Variants in ST6GAL2 observed in about 807,000 individuals in gnomAD.
ST6GAL2 encodes ST6 beta-galactoside alpha-2,6-sialyltransferase 2, also known as beta-galactoside alpha-2,6-sialyltransferase 2.
ST6GAL2 carries 24 observed loss-of-function variants against 37.5 expected under a neutral mutation model. The ratio of observed to expected loss-of-function variants is 0.64; its 90% CI spans 0.46 to 0.90. ST6GAL2 has a LOEUF of 0.90. ST6GAL2 is among the 40% of genes least tolerant of loss of function. The pLI, the probability that ST6GAL2 is intolerant of heterozygous loss-of-function variation, is 0.00. For missense variants in ST6GAL2, 715 were observed against 712.7 expected, an observed-to-expected ratio of 1.00 and a Z score of -0.04; for synonymous variants, 306 against 295.1, an observed-to-expected ratio of 1.04 and a Z score of -0.38.
At chr2:106,882,451 C>T (rs562554070) in intron 1 of ST6GAL2, among the ~76,000 whole-genome samples, 1 of 152,188 alleles carries the variant, frequency 6.6e-6, no homozygotes, top group East Asian at 1.9e-4. Context: ...CTTTGATAAT[C>T]TGTGCAAAGC....
At chr2:106,836,162 T>C (rs1381333202) in intron 2 of ST6GAL2, among the ~76,000 whole-genome samples, 1 of 152,202 alleles carries the variant, frequency 6.6e-6, no homozygotes, top group Non-Finnish European at 1.5e-5. Flanking sequence ...ACCAAAAGAA[T>C]ACTGAGAAGA....
At chr2:106,840,015 G>C (rs1027006808) in intron 2 of ST6GAL2, among the ~76,000 whole-genome samples, 2 of 152,166 alleles carry the variant, frequency 1.3e-5, no homozygotes, top group African/African-American at 4.8e-5. Flanking sequence ...GGGCTGCACT[G>C]CCAGTGGAGC....
intron 5 of ST6GAL2, among the ~76,000 whole-genome samples, chr2:106,825,735 T>C (rs1281930946): frequency 6.6e-6 from 1 of 152,254 alleles, no homozygotes; most frequent in Non-Finnish European, 1.5e-5. Flanking sequence ...GTTGGACTTA[T>C]CATACTTTAT....
At position 106,821,664 on chromosome 2, in the gene ST6GAL2, T is replaced by G. The variant is rs555097219; in HGVS notation, c.1318+8402A>C. On this transcript the variant is annotated intron_variant, in intron 5 of 5. Transcript: ENST00000409382. ...GGAGGAGGGAATACTTCCAACCTCATTCTACAAGCCGTCCTGATACCAAAA... is the reference window on the plus strand; with the variant it reads ...GGAGGAGGGAATACTTCCAACCTCAGTCTACAAGCCGTCCTGATACCAAAA... Among the ~76,000 whole-genome samples, 280 of 151,980 alleles carry G rather than the reference T, an allele frequency of 1.8e-3. 1 individual carries two copies. Among genetic ancestry groups the G allele is most frequent in the Non-Finnish European group, 3.2e-3 (218 of 67,810 alleles).
chr2:106,880,853 T>G (rs1478013432), intron 1 of ST6GAL2, among the ~76,000 whole-genome samples: 1 of 152,228 alleles, frequency 6.6e-6, no homozygotes, highest in Non-Finnish European at 1.5e-5. Flanking sequence ...TGATTGCTGA[T>G]GTAACAACAC....
chr2:106,807,622 C>T (rs1675460467), intron 5 of ST6GAL2, among the ~76,000 whole-genome samples: 1 of 134,828 alleles, frequency 7.4e-6, no homozygotes, highest in African/African-American at 2.7e-5. Context: ...TCACTGAGTA[C>T]ATTTTATTCT....
intron 1 of ST6GAL2, among the ~76,000 whole-genome samples, chr2:106,845,057 A>G (rs1360951161): frequency 6.6e-6 from 1 of 152,214 alleles, no homozygotes; most frequent in Non-Finnish European, 1.5e-5. Flanking sequence ...TGGAACTTCA[A>G]GCTGAGCACT....
At chr2:106,874,395 G>A (rs993609641) in intron 1 of ST6GAL2, among the ~76,000 whole-genome samples, 4 of 152,152 alleles carry the variant, frequency 2.6e-5, no homozygotes, top group Non-Finnish European at 5.9e-5. Context: ...GTGGCTAAGA[G>A]GGGAGTAGGA....
intron 5 of ST6GAL2, among the ~76,000 whole-genome samples, chr2:106,820,880 G>A (rs1438841714): frequency 1.3e-5 from 2 of 151,690 alleles, no homozygotes; most frequent in African/African-American, 2.4e-5. Flanking sequence ...AAAATAAAAT[G>A]GTATGTTCCT....
At chr2:106,808,418 A>C (rs1675495879) in intron 5 of ST6GAL2, among the ~76,000 whole-genome samples, 1 of 152,228 alleles carries the variant, frequency 6.6e-6, no homozygotes. Context: ...GGGATTATGC[A>C]CTTCAAATTC....
chr2:106,834,316 T>G, intron 2 of ST6GAL2, 170 bp from the exon 3 acceptor site: 2 of 584,286 alleles, frequency 3.4e-6, no homozygotes, highest in Admixed American at 6.0e-5. Context: ...GAGAATGAGA[T>G]CTTGGCTGGA....
At chr2:106,852,224 TC>T (rs1677395761) in intron 1 of ST6GAL2, among the ~76,000 whole-genome samples, 1 of 152,144 alleles carries the variant, frequency 6.6e-6, no homozygotes, top group Non-Finnish European at 1.5e-5. Flanking sequence ...CGGGAGGACA[TC>T]CCCCTCTCTA....
At position 106,802,706 on chromosome 2, in the gene ST6GAL2, T is replaced by A. The variant is rs1387154797; in HGVS notation, c.*3972A>T. 1 of 149,048 alleles carries A rather than the reference T, an allele frequency of 6.7e-6. No individual in the cohort carries two copies. Among genetic ancestry groups the A allele is most frequent in the Non-Finnish European group, 1.5e-5 (1 of 65,936 alleles). The allele number at this position is 149,048 out of a possible 1,614,324, so 9.2% of individuals were successfully genotyped here. A position where few individuals can be genotyped will look rare whatever the true frequency, so the allele number is the denominator to read the frequency against. ...TAACCACTGGGTAAGAGTTCTAAAC[T>A]ATCAGAAAGAGTTCTAAACTATCAG... On this transcript the variant is annotated 3_prime_UTR_variant, in exon 6 of 6. Transcript: ENST00000409382.
At chr2:106,868,283 G>A (rs1573308068) in intron 1 of ST6GAL2, among the ~76,000 whole-genome samples, 2 of 152,266 alleles carry the variant, frequency 1.3e-5, no homozygotes, top group Admixed American at 1.3e-4. Context: ...AAAGAAAGAA[G>A]GAAAGAAAAA....
intron 1 of ST6GAL2, among the ~76,000 whole-genome samples, chr2:106,868,877 A>C (rs1380901615): frequency 6.6e-6 from 1 of 152,202 alleles, no homozygotes; most frequent in Non-Finnish European, 1.5e-5. Flanking sequence ...AGAAAAAAAA[A>C]CCACTTATGA....
intron 1 of ST6GAL2, among the ~76,000 whole-genome samples, chr2:106,879,114 C>G (rs1002201450): frequency 3.9e-5 from 6 of 152,108 alleles, no homozygotes; most frequent in Non-Finnish European, 8.8e-5. Context: ...TTCCTTTCAC[C>G]CACTTCTGGT....
intron 2 of ST6GAL2, among the ~76,000 whole-genome samples, chr2:106,837,594 G>C (rs2104495078): frequency 1.3e-5 from 2 of 152,316 alleles, no homozygotes; most frequent in South Asian, 4.1e-4. Flanking sequence ...GTGACTGCAG[G>C]TGCTGGGAGG....
intron 5 of ST6GAL2, among the ~76,000 whole-genome samples, chr2:106,822,456 G>A (rs1198782845): frequency 6.6e-6 from 1 of 151,834 alleles, no homozygotes; most frequent in Admixed American, 6.6e-5. Flanking sequence ...GAAAGATCTC[G>A]ATAATGAAAA....
intron 1 of ST6GAL2, among the ~76,000 whole-genome samples, chr2:106,875,708 T>A (rs1678474469): frequency 6.6e-6 from 1 of 152,248 alleles, no homozygotes; most frequent in African/African-American, 2.4e-5. Flanking sequence ...CATGTCCTGA[T>A]GAACTTTTCC....
Sources: gnomAD v4.1 joint callset for allele counts (sites outside exome capture counted in the v4.1 genomes callset) on GRCh38, gnomAD v4.1.1 for gene constraint, MANE v1.5 for transcripts, NCBI Gene and HGNC (gene_info 2026-07-23, HGNC 2026-07-21) for gene names.